The following ZIM2 variants were observed in gnomAD, a reference collection of about 807,000 sequenced individuals.
The protein encoded by ZIM2 is zinc finger imprinted 2, also known as zinc finger protein 656.
A neutral mutation model predicts 38.6 loss-of-function variants in ZIM2; 14 were observed. That is an observed-to-expected ratio of 0.36 (90% CI 0.24 to 0.57). The LOEUF is 0.57. Among genes scored for constraint, ZIM2 ranks in the 20% least tolerant of loss-of-function variants. The pLI is 0.81. For missense variants in ZIM2, 680 were observed against 695.1 expected, an observed-to-expected ratio of 0.98 and a Z score of 0.24; for synonymous variants, 247 against 245.8, an observed-to-expected ratio of 1.00 and a Z score of -0.04.
intron 9 of ZIM2, among the ~76,000 whole-genome samples, chr19:56,796,685 C>A (rs912594411): frequency 7.9e-5 from 12 of 152,212 alleles, no homozygotes; most frequent in Non-Finnish European, 1.6e-4. Context: ...GGTGGGGAGG[C>A]TGACCATATG....
intron 2 of ZIM2, among the ~76,000 whole-genome samples, chr19:56,827,539 C>T (rs1009044303): frequency 5.3e-5 from 8 of 152,032 alleles, no homozygotes; most frequent in African/African-American, 1.4e-4. Flanking sequence ...TTTGTATGCA[C>T]GGGAAGAAAC....
intron 9 of ZIM2, among the ~76,000 whole-genome samples, chr19:56,805,473 T>G (rs1179482899): frequency 6.6e-6 from 1 of 152,156 alleles, no homozygotes; most frequent in African/African-American, 2.4e-5. Context: ...CCTTCCTTAC[T>G]TGCTTTATCT....
At chr19:56,809,757 T>G (rs971340592) in intron 9 of ZIM2, among the ~76,000 whole-genome samples, 3 of 152,218 alleles carry the variant, frequency 2.0e-5, no homozygotes, top group Non-Finnish European at 2.9e-5. Flanking sequence ...TGTCTGTGAT[T>G]TTTTATGTTT....
chr19:56,812,141 A>T, intron 9 of ZIM2: 1 of 966,000 alleles, frequency 1.0e-6, no homozygotes, highest in Non-Finnish European at 1.2e-6. Flanking sequence ...TAAATTTTAT[A>T]TTTTTTTTCC....
chr19:56,822,876 T>A, intron 5 of ZIM2, 40 bp from the exon 6 acceptor site: 3 of 1,596,946 alleles, frequency 1.9e-6, no homozygotes, highest in South Asian at 1.1e-5. Context: ...CAAAGCTCTT[T>A]GACACACCTG....
At chr19:56,785,990 C>A (rs1427285548) in intron 10 of ZIM2, among the ~76,000 whole-genome samples, 1 of 152,050 alleles carries the variant, frequency 6.6e-6, no homozygotes, top group Non-Finnish European at 1.5e-5. Context: ...CATTTCATCG[C>A]CCCAAAAGAA....
chr19:56,780,318 C>G (rs1447640252), intron 11 of ZIM2, among the ~76,000 whole-genome samples: 1 of 149,150 alleles, frequency 6.7e-6, no homozygotes, highest in African/African-American at 2.5e-5. Context: ...TCTTGGCTTA[C>G]TGCAGCCTCT....
At chr19:56,786,908 C>A (rs2046637123) in intron 10 of ZIM2, among the ~76,000 whole-genome samples, 1 of 152,178 alleles carries the variant, frequency 6.6e-6, no homozygotes, top group South Asian at 2.1e-4. Context: ...GCAATCTCAG[C>A]TCCCTGCAAC....
intron 7 of ZIM2, among the ~76,000 whole-genome samples, chr19:56,819,223 G>A (rs117979060): frequency 0.012 from 1,826 of 152,234 alleles, 18 homozygotes; most frequent in Non-Finnish European, 0.017. Flanking sequence ...GAAGACATCT[G>A]GTCAGGATGT....
chr19:56,823,012 C>G (rs995156605), intron 5 of ZIM2, among the ~76,000 whole-genome samples, 176 bp from the exon 6 acceptor site: 1 of 152,200 alleles, frequency 6.6e-6, no homozygotes, highest in Non-Finnish European at 1.5e-5. Flanking sequence ...ATCATATACC[C>G]GCAACATGGT....
chr19:56,804,781 T>A (rs1292037005), intron 9 of ZIM2, among the ~76,000 whole-genome samples: 1 of 152,218 alleles, frequency 6.6e-6, no homozygotes, highest in Non-Finnish European at 1.5e-5. Context: ...GTTCCAAGAA[T>A]GGTACAAGTA....
At chr19:56,812,139 A>G (rs982671332) in intron 9 of ZIM2, 33 of 966,440 alleles carry the variant, frequency 3.4e-5, no homozygotes, top group Non-Finnish European at 4.1e-5. Context: ...TTTAAATTTT[A>G]TATTTTTTTT....
chr19:56,817,595 A>T, intron 9 of ZIM2, 151 bp downstream of exon 9: 4 of 1,570,958 alleles, frequency 2.5e-6, no homozygotes, highest in Non-Finnish European at 3.5e-6. Context: ...AAGAAACCCC[A>T]AATGTAAATA....
At chr19:56,821,115 T>G (rs2060447120) in intron 7 of ZIM2, among the ~76,000 whole-genome samples, 1 of 152,256 alleles carries the variant, frequency 6.6e-6, no homozygotes, top group African/African-American at 2.4e-5. Flanking sequence ...AGGTACTTTA[T>G]GTATGTGTGT....
intron 9 of ZIM2, chr19:56,813,238 A>G: frequency 2.0e-6 from 2 of 978,878 alleles, no homozygotes; most frequent in African/African-American, 1.7e-5. Flanking sequence ...CAGGTAAGGT[A>G]CCTCTGCAGA....
intron 11 of ZIM2, among the ~76,000 whole-genome samples, chr19:56,779,945 C>G (rs7249032): frequency 0.042 from 6,338 of 152,262 alleles, 442 homozygotes; most frequent in African/African-American, 0.14. Context: ...AGTGCTGCTC[C>G]TCCCCCTCCC....
chr19:56,789,833 C>A (rs751738926), intron 10 of ZIM2, 39 bp downstream of exon 10: 17 of 1,473,322 alleles, frequency 1.2e-5, no homozygotes, highest in Non-Finnish European at 1.5e-5. Flanking sequence ...GATAAGATCC[C>A]CATATTTGAT....
intron 9 of ZIM2, chr19:56,791,345 T>C (rs1291568167): frequency 6.6e-6 from 1 of 152,148 alleles, no homozygotes; most frequent in East Asian, 1.9e-4. Context: ...TAGAAGAAAA[T>C]GAATTAACAT....
At position 56,821,686 on chromosome 19, in the gene ZIM2, C is replaced by T. The variant is rs371055785; in HGVS notation, c.259G>A (p.Asp87Asn). Residue 87 changes from aspartate (D) to asparagine (N), a missense_variant, in exon 7 of 13, where the codon GAC becomes AAC. By Grantham distance (23) the Asp-to-Asn change is conservative. Transcript: ENST00000629319. Reference sequence around the variant, plus strand: ...GACTCATAAGCCCTGGAGTCCCTGTCGTCCTCTCTGTCCATTTCAAAGCTT... The same window carrying T: ...GACTCATAAGCCCTGGAGTCCCTGTTGTCCTCTCTGTCCATTTCAAAGCTT... ...KTSFEMDRED[D>N]RDSRAYESRS... 5.0e-6 allele frequency: 8 copies of T among 1,613,882 alleles called. No individual in the cohort carries two copies. The African/African-American group carries it at 5.3e-5, about 11-fold the overall frequency.
Sources: allele counts gnomAD v4.1 joint callset (sites outside exome capture counted in the v4.1 genomes callset), GRCh38; gene constraint gnomAD v4.1.1; transcripts MANE v1.5; gene names NCBI Gene and HGNC (gene_info 2026-07-23, HGNC 2026-07-21).